The following DMD variants were observed in gnomAD, a reference collection of about 807,000 sequenced individuals.
DMD encodes dystrophin, also known as mutant dystrophin.
In DMD, 63 loss-of-function variants were observed where a neutral mutation model predicts 330.1. That is an observed-to-expected ratio of 0.19 (90% CI 0.16 to 0.24). The LOEUF is 0.24. Ranked by LOEUF, DMD falls within the 10% of genes least tolerant of loss-of-function variation. The probability of loss-of-function intolerance (pLI) is 1.00; values close to 1 mark genes in which losing one functional copy is unlikely to be tolerated. For missense variants in DMD, 3,344 were observed against 2,684.1 expected (o/e 1.25, Z -5.43); for synonymous variants, 1,223 against 959.8 (o/e 1.27, Z -5.07).
At chrX:32,047,980 C>T (rs1402030950) in intron 44 of DMD, among the ~76,000 whole-genome samples, 2 of 106,807 alleles carry the variant, frequency 1.9e-5, no homozygotes, top group East Asian at 2.9e-4. Context: ...TGAGTGGTCC[C>T]GCCTCCTAAT....
chrX:31,497,054 C>A, intron 56 of DMD, 110 bp from the exon 57 acceptor site: 7 of 987,770 alleles, frequency 7.1e-6, no homozygotes, highest in Non-Finnish European at 9.8e-6. Context: ...ACAAAGCAGT[C>A]TTGAATAAAA....
At chrX:33,191,456 C>A (rs899414143) in intron 1 of DMD, among the ~76,000 whole-genome samples, 11 of 110,416 alleles carry the variant, frequency 1.0e-4, no homozygotes, top group Non-Finnish European at 2.1e-4. Context: ...TAGAGTCTCG[C>A]TCTGTCACCT....
intron 6 of DMD, among the ~76,000 whole-genome samples, chrX:32,815,520 T>TATATACACACACAC: frequency 1.3e-5 from 1 of 78,916 alleles, no homozygotes; most frequent in Non-Finnish European, 2.3e-5. Context: ...TATATATATA[T>TATATACACACACAC]ACACACACAC....
intron 9 of DMD, among the ~76,000 whole-genome samples, chrX:32,653,888 G>A (rs2060356950): frequency 9.0e-6 from 1 of 111,639 alleles, no homozygotes; most frequent in African/African-American, 3.3e-5. Context: ...CTTGCAAGTT[G>A]GATTCCTAGG....
rs1603631741 is a variant in DMD, at chrX:32,364,572, T to C, written c.5154+10A>G. The C allele has an allele frequency of 1.7e-6, 2 of 1,208,989 alleles. No homozygotes were observed. The highest frequency in any genetic ancestry group is 2.2e-6 in the Non-Finnish European group (2 of 894,352). Reference sequence around the variant, plus strand: ...AATTTGGACATTACTTTTCATATTTTATTTGCTACCTTAAGCACGTCTTCT... The same window carrying C: ...AATTTGGACATTACTTTTCATATTTCATTTGCTACCTTAAGCACGTCTTCT... On this transcript the variant is annotated intron_variant, in intron 36 of 78. Transcript: ENST00000357033.
intron 44 of DMD, among the ~76,000 whole-genome samples, chrX:32,015,280 CCA>C (rs773786038): frequency 3.6e-5 from 4 of 111,542 alleles, no homozygotes; most frequent in Non-Finnish European, 7.5e-5. Context: ...CCTTGTTAAC[CCA>C]CAGTTTTCTT....
intron 33 of DMD, among the ~76,000 whole-genome samples, chrX:32,382,684 G>A (rs1056778238): frequency 1.8e-5 from 2 of 108,638 alleles, no homozygotes; most frequent in Admixed American, 2.0e-4. Flanking sequence ...GTAGGGGTGT[G>A]TGGGGGGTGA....
intron 55 of DMD, among the ~76,000 whole-genome samples, chrX:31,618,066 C>G (rs752945870): frequency 4.9e-4 from 54 of 110,607 alleles, no homozygotes; most frequent in Non-Finnish European, 8.9e-4. Context: ...AAACCAGGAT[C>G]TACTCTAGGG....
chrX:33,290,774 C>A (rs761707395), intron 1 of DMD, among the ~76,000 whole-genome samples: 14 of 111,199 alleles, frequency 1.3e-4, no homozygotes, highest in South Asian at 3.8e-4. Flanking sequence ...AAATAAGCTG[C>A]CAGAAAGTCG....
In DMD at chrX:31,748,066, G is replaced by A. The variant is rs1448198913; in HGVS notation, c.7543-18318C>T. On this transcript the variant is annotated intron_variant, in intron 51 of 78. Transcript: ENST00000357033. ...AATCATAAATAAATCAACACTATTG[G>A]GTGGTTCCAATATCCAGTATCTCAA... Among the ~76,000 whole-genome samples the A allele has an allele frequency of 3.6e-5, 4 of 111,434 alleles. No homozygotes were observed. The Admixed American group carries it at 3.8e-4, about 11-fold the overall frequency.
At chrX:32,233,165 A>G (rs1217421352) in intron 43 of DMD, among the ~76,000 whole-genome samples, 2 of 112,140 alleles carry the variant, frequency 1.8e-5, no homozygotes, top group Non-Finnish European at 3.8e-5. Flanking sequence ...GTTGCACAGT[A>G]TTTTAAGGAG....
chrX:31,985,463 C>A (rs2095502852), intron 44 of DMD, among the ~76,000 whole-genome samples: 1 of 112,315 alleles, frequency 8.9e-6, no homozygotes, highest in African/African-American at 3.2e-5. Context: ...TACATAATAG[C>A]CTTTGGGTAA....
intron 39 of DMD, 95 bp from the exon 40 acceptor site, chrX:32,343,381 T>A (rs2097753968): frequency 1.2e-6 from 1 of 811,951 alleles, no homozygotes; most frequent in Admixed American, 2.8e-5. Context: ...GTCCCTCATC[T>A]TTTTGTACAA....
chrX:32,093,522 T>A (rs181724130), intron 44 of DMD, among the ~76,000 whole-genome samples: 2 of 112,063 alleles, frequency 1.8e-5, no homozygotes, highest in African/African-American at 6.5e-5. Context: ...AATTATTTTG[T>A]CGAAAAACTA....
chrX:32,762,695 T>A (rs890623449), intron 7 of DMD, among the ~76,000 whole-genome samples: 72 of 109,818 alleles, frequency 6.6e-4, no homozygotes, highest in Non-Finnish European at 1.3e-3. Flanking sequence ...CGGAGCCTGG[T>A]GAAGTAAGGG....
At chrX:32,727,738 T>A (rs1301763327) in intron 7 of DMD, among the ~76,000 whole-genome samples, 1 of 110,516 alleles carries the variant, frequency 9.0e-6, no homozygotes, top group African/African-American at 3.3e-5. Context: ...TATACACACA[T>A]ATACATGTAT....
intron 63 of DMD, among the ~76,000 whole-genome samples, chrX:31,234,371 T>G (rs16989463): frequency 0.082 from 9,200 of 112,360 alleles, 913 homozygotes; most frequent in African/African-American, 0.28. Flanking sequence ...CAGCGATTAA[T>G]TCTTTGGACT....
chrX:32,736,038 A>G (rs1603307671), intron 7 of DMD, among the ~76,000 whole-genome samples: 4 of 112,020 alleles, frequency 3.6e-5, no homozygotes, highest in African/African-American at 1.3e-4. Flanking sequence ...GCTAATATCC[A>G]GAATCTACAA....
intron 1 of DMD, among the ~76,000 whole-genome samples, chrX:33,264,803 C>A (rs2053015994): frequency 9.0e-6 from 1 of 110,596 alleles, no homozygotes; most frequent in Non-Finnish European, 1.9e-5. Flanking sequence ...GTTACAATTT[C>A]TTTACAGTCA....
Sources: gnomAD v4.1 joint callset for allele counts (sites outside exome capture counted in the v4.1 genomes callset) on GRCh38, gnomAD v4.1.1 for gene constraint, MANE v1.5 for transcripts, NCBI Gene and HGNC (gene_info 2026-07-23, HGNC 2026-07-21) for gene names.